Variants in ADAM9 observed in about 807,000 individuals in gnomAD.
The protein encoded by ADAM9 is ADAM metallopeptidase domain 9.
In ADAM9, 54 loss-of-function variants were observed where a neutral mutation model predicts 108.1. That is an observed-to-expected ratio of 0.50 (90% CI 0.40 to 0.63). The LOEUF (loss-of-function observed/expected upper bound fraction) is 0.63, where lower values mean the gene tolerates loss of function less well. Among genes scored for constraint, ADAM9 ranks in the 20% least tolerant of loss-of-function variants. The pLI is 0.00. For missense variants in ADAM9, 830 were observed against 997.7 expected (o/e 0.83, Z 2.26); for synonymous variants, 316 against 336.0 (o/e 0.94, Z 0.65).
chr8:39,068,446 A>T (rs1240299257), intron 14 of ADAM9, among the ~76,000 whole-genome samples: 1 of 151,888 alleles, frequency 6.6e-6, no homozygotes, highest in Admixed American at 6.6e-5. Context: ...AGGCCGAGGC[A>T]TGTGGATTGC....
At chr8:39,102,060 T>C (rs972825811) in intron 21 of ADAM9, 130 bp downstream of exon 21, 1 of 817,852 alleles carries the variant, frequency 1.2e-6, no homozygotes, top group African/African-American at 1.7e-5. Context: ...AGAATATGAT[T>C]TGCAGAAAGG....
chr8:39,073,191 T>G (rs984355242), intron 15 of ADAM9, among the ~76,000 whole-genome samples: 2 of 152,228 alleles, frequency 1.3e-5, no homozygotes, highest in Non-Finnish European at 2.9e-5. Flanking sequence ...GTTAATAGTC[T>G]TATTCAAATA....
At chr8:39,068,669 TCTC>T (rs1425519945) in intron 14 of ADAM9, among the ~76,000 whole-genome samples, 3 of 71,788 alleles carry the variant, frequency 4.2e-5, no homozygotes, top group African/African-American at 5.6e-5. Flanking sequence ...GAGTGAAACT[TCTC>T]CTCAAAAAAA....
intron 20 of ADAM9, among the ~76,000 whole-genome samples, chr8:39,100,677 A>C (rs1407396439): frequency 4.6e-5 from 7 of 152,082 alleles, no homozygotes; most frequent in African/African-American, 1.7e-4. Context: ...TGTGGGGAAA[A>C]AAATTGCAGA....
chr8:39,011,781 CT>C, intron 3 of ADAM9, 65 bp downstream of exon 3: 1 of 1,448,348 alleles, frequency 6.9e-7, no homozygotes, highest in Non-Finnish European at 9.7e-7. Context: ...GGTTTTCTTT[CT>C]AGTTTGATAT....
chr8:39,076,813 C>T (rs777990617), intron 15 of ADAM9, among the ~76,000 whole-genome samples: 5 of 152,142 alleles, frequency 3.3e-5, no homozygotes, highest in East Asian at 3.9e-4. Flanking sequence ...AGTTATTTTG[C>T]ATTATAGAAT....
chr8:39,096,274 C>T (rs539058866), intron 20 of ADAM9, among the ~76,000 whole-genome samples: 2 of 128,874 alleles, frequency 1.6e-5, no homozygotes, highest in Admixed American at 8.4e-5. Context: ...ATAAATTAAT[C>T]ATTTTCTTTG....
chr8:38,997,182 C>T (rs1273214274), intron 1 of ADAM9, 22 bp downstream of exon 1: 10 of 1,590,876 alleles, frequency 6.3e-6, no homozygotes, highest in Non-Finnish European at 8.5e-6. Context: ...CGCCCCGGGT[C>T]GGTTGGGACG....
intron 11 of ADAM9, among the ~76,000 whole-genome samples, chr8:39,039,482 C>T (rs1280480449): frequency 6.6e-6 from 1 of 152,174 alleles, no homozygotes; most frequent in Non-Finnish European, 1.5e-5. Context: ...AGTCCTCATG[C>T]TGTACCTGAG....
chr8:39,068,403 G>A (rs556910863), intron 14 of ADAM9, among the ~76,000 whole-genome samples: 2 of 151,950 alleles, frequency 1.3e-5, no homozygotes, highest in East Asian at 1.9e-4. Context: ...AGTCGGGCAC[G>A]GTGGCTCACA....
At position 39,102,738 on chromosome 8, in the gene ADAM9, C is replaced by A. The variant is rs1050180165; in HGVS notation, c.2366+808C>A. On this transcript the variant is annotated intron_variant, in intron 21 of 21. Transcript: ENST00000487273. ...ACTATGATGTCATGGAATTAAAAGT[C>A]AAGATTGAGAATTTCAGCACAGAAC... Among the ~76,000 whole-genome samples, 24 of 152,184 alleles carry A rather than the reference C, an allele frequency of 1.6e-4. 1 individual carries two copies. Among genetic ancestry groups the A allele is most frequent in the South Asian group, 1.5e-3 (7 of 4,820 alleles).
intron 11 of ADAM9, among the ~76,000 whole-genome samples, chr8:39,032,664 C>T (rs1454327087): frequency 6.6e-6 from 1 of 152,254 alleles, no homozygotes; most frequent in African/African-American, 2.4e-5. Context: ...GGCTCACCCT[C>T]TGTGGACTAC....
At chr8:39,082,489 C>T in intron 16 of ADAM9, 152 bp from the exon 17 acceptor site, 1 of 593,492 alleles carries the variant, frequency 1.7e-6, no homozygotes, top group Non-Finnish European at 2.9e-6. Flanking sequence ...TATTTTTCTG[C>T]ATTTTTAAAA....
rs140003389 is a variant in ADAM9 at position 39,098,854 on chromosome 8, T to C, written c.2299-3009T>C. Among the ~76,000 whole-genome samples the C allele has an allele frequency of 1.8e-3, 272 of 152,318 alleles. 1 individual carries two copies. The highest frequency in any genetic ancestry group is 3.9e-3 in the Admixed American group (59 of 15,306). On this transcript the variant is annotated intron_variant, in intron 20 of 21. Coordinates refer to ENST00000487273, the MANE Select transcript of ADAM9 (RefSeq NM_003816.3). ...AACTTTATATTGGAAATAAATATATTTGAATCCTGAATTATAGTGGGTTCC... is the reference window on the plus strand; with the variant it reads ...AACTTTATATTGGAAATAAATATATCTGAATCCTGAATTATAGTGGGTTCC...
At position 39,007,289 on chromosome 8, in the gene ADAM9, C is replaced by A. The variant is rs560132303; in HGVS notation, c.98-597C>A. ...CTGGCCCCTCAGGGATGGCATTACT[C>A]TGTTCATGAGGGATCCACTTCAATG... On this transcript the variant is annotated intron_variant, in intron 1 of 21. Transcript: ENST00000487273. 2.1e-3 allele frequency among the ~76,000 whole-genome samples: 314 copies of A among 152,330 alleles called. 3 individuals are homozygous for A. Among genetic ancestry groups the A allele is most frequent in the South Asian group, 7.2e-3 (35 of 4,828 alleles).
At chr8:39,023,093 G>T in intron 8 of ADAM9, 63 bp from the exon 9 acceptor site, 1 of 1,421,136 alleles carries the variant, frequency 7.0e-7, no homozygotes, top group East Asian at 2.5e-5. Flanking sequence ...TACTTCATGT[G>T]GTTAAAAGAT....
At chr8:39,069,651 T>A (rs1415047680) in intron 14 of ADAM9, among the ~76,000 whole-genome samples, 8 of 152,136 alleles carry the variant, frequency 5.3e-5, no homozygotes, top group Admixed American at 4.6e-4. Context: ...CATGATCTCA[T>A]CCACCGTGAG....
chr8:39,032,281 G>T (rs896706558), intron 11 of ADAM9, among the ~76,000 whole-genome samples: 2 of 152,254 alleles, frequency 1.3e-5, no homozygotes, highest in East Asian at 3.9e-4. Context: ...CCAAGAGGTG[G>T]GATCTACAGA....
chr8:39,087,349 G>C (rs890641306), intron 18 of ADAM9, among the ~76,000 whole-genome samples: 2 of 152,134 alleles, frequency 1.3e-5, no homozygotes, highest in African/African-American at 2.4e-5. Context: ...ATTTTAGCTG[G>C]CAGAGTAAAT....
Sources: allele counts gnomAD v4.1 joint callset (sites outside exome capture counted in the v4.1 genomes callset), GRCh38; gene constraint gnomAD v4.1.1; transcripts MANE v1.5; gene names NCBI Gene and HGNC (gene_info 2026-07-23, HGNC 2026-07-21).